PRKCE: variants seen among roughly 807,000 people sequenced by gnomAD.
The protein encoded by PRKCE is protein kinase C epsilon.
In PRKCE, 16 loss-of-function variants were observed where a neutral mutation model predicts 85.4. That is an observed-to-expected ratio of 0.19 (90% confidence interval 0.13 to 0.28). PRKCE has a LOEUF of 0.28. Ranked by LOEUF, PRKCE falls within the 10% of genes least tolerant of loss-of-function variation. The probability of loss-of-function intolerance (pLI) is 1.00; values close to 1 mark genes in which losing one functional copy is unlikely to be tolerated. For missense variants in PRKCE, 573 were observed against 975.2 expected, an observed-to-expected ratio of 0.59 and a Z score of 5.49; for synonymous variants, 388 against 371.5, an observed-to-expected ratio of 1.04 and a Z score of -0.51.
chr2:46,100,655 T>C (rs1397776725), intron 11 of PRKCE, among the ~76,000 whole-genome samples: 1 of 152,208 alleles, frequency 6.6e-6, no homozygotes, highest in Non-Finnish European at 1.5e-5. Flanking sequence ...ATTTGTACTT[T>C]TGTCTGGGGA....
At chr2:46,010,552 G>A (rs1165400159) in intron 10 of PRKCE, 35 bp downstream of exon 10, 16 of 1,598,086 alleles carry the variant, frequency 1.0e-5, no homozygotes, top group Non-Finnish European at 1.4e-5. Context: ...CTGCCATGTT[G>A]GGGCATCTTG....
intron 10 of PRKCE, among the ~76,000 whole-genome samples, chr2:46,061,425 A>G (rs988037506): frequency 2.7e-5 from 3 of 111,426 alleles, no homozygotes; most frequent in African/African-American, 9.2e-5. Context: ...ACAATTTTTT[A>G]TTCTTTTTTT....
At chr2:46,018,014 A>G (rs927238500) in intron 10 of PRKCE, among the ~76,000 whole-genome samples, 4 of 152,238 alleles carry the variant, frequency 2.6e-5, no homozygotes, top group African/African-American at 7.2e-5. Flanking sequence ...CACACACATG[A>G]AAAAGGGTCT....
In PRKCE at chr2:45,951,708, G is replaced by T. The variant is rs552602056; in HGVS notation, c.413-24721G>T. Among the ~76,000 whole-genome samples the T allele has an allele frequency of 7.2e-4, 109 of 152,398 alleles. 3 individuals are homozygous for T. The highest frequency in any genetic ancestry group is 3.4e-3 in the Middle Eastern group (1 of 294). On this transcript the variant is annotated intron_variant, in intron 2 of 14. Transcript: ENST00000306156. ...ACTTTTGTACACAACCACATACAATGAGTCTGGTTCTTCCACACCTCATCC... is the reference window on the plus strand; with the variant it reads ...ACTTTTGTACACAACCACATACAATTAGTCTGGTTCTTCCACACCTCATCC...
chr2:46,110,397 A>C (rs1275182287), intron 11 of PRKCE, among the ~76,000 whole-genome samples: 1 of 152,102 alleles, frequency 6.6e-6, no homozygotes, highest in African/African-American at 2.4e-5. Flanking sequence ...CAGATTATCT[A>C]TTTCTCCTTG....
At chr2:45,809,459 T>C (rs921058458) in intron 1 of PRKCE, among the ~76,000 whole-genome samples, 1 of 152,368 alleles carries the variant, frequency 6.6e-6, no homozygotes, top group Non-Finnish European at 1.5e-5. Flanking sequence ...TGTGCAAAGA[T>C]GAAATCACTA....
intron 1 of PRKCE, among the ~76,000 whole-genome samples, chr2:45,734,446 T>G (rs958049083): frequency 2.0e-5 from 3 of 152,200 alleles, no homozygotes; most frequent in African/African-American, 4.8e-5. Context: ...CTTGCAGTCC[T>G]GAAAGACAGT....
chr2:45,836,013 G>T (rs1396009955), intron 1 of PRKCE, among the ~76,000 whole-genome samples: 1 of 152,212 alleles, frequency 6.6e-6, no homozygotes, highest in African/African-American at 2.4e-5. Context: ...TAGGAATGAA[G>T]CTGCTGTGAA....
intron 2 of PRKCE, among the ~76,000 whole-genome samples, chr2:45,856,665 G>GT (rs1692704318): frequency 6.6e-6 from 1 of 152,168 alleles, no homozygotes; most frequent in South Asian, 2.1e-4. Flanking sequence ...CTGTCTAACT[G>GT]TAACTTTGTA....
chr2:46,177,537 A>G (rs1173714144), intron 14 of PRKCE, among the ~76,000 whole-genome samples: 2 of 152,050 alleles, frequency 1.3e-5, no homozygotes, highest in East Asian at 3.9e-4. Context: ...CTTCACACAT[A>G]TGTCCCTGTG....
chr2:45,714,346 A>C lies in PRKCE; in HGVS notation c.348+61898A>C, dbSNP rs530360070. 1.4e-4 allele frequency among the ~76,000 whole-genome samples: 22 copies of C among 152,364 alleles called. No homozygotes were observed. The South Asian group carries it at 4.6e-3, about 32-fold the overall frequency. On this transcript the variant is annotated intron_variant, in intron 1 of 14. Coordinates refer to ENST00000306156, the MANE Select transcript of PRKCE (RefSeq NM_005400.3). Reference sequence around the variant, plus strand: ...ACTGTCCTACAAAGATGCAATAAACAGGGACAATGACATTGAGACACAAAG... The same window carrying C: ...ACTGTCCTACAAAGATGCAATAAACCGGGACAATGACATTGAGACACAAAG...
At chr2:45,854,926 T>C (rs535838523) in intron 2 of PRKCE, among the ~76,000 whole-genome samples, 1 of 152,200 alleles carries the variant, frequency 6.6e-6, no homozygotes, top group Non-Finnish European at 1.5e-5. Context: ...CTTAGTTTAA[T>C]GTATGGAAAA....
chr2:46,061,213 G>T (rs757535801), intron 10 of PRKCE, among the ~76,000 whole-genome samples: 9 of 147,022 alleles, frequency 6.1e-5, no homozygotes, highest in Non-Finnish European at 1.3e-4. Context: ...AGGCTCAGGT[G>T]ATTCACCCAC....
At chr2:46,039,060 T>C (rs1029802036) in intron 10 of PRKCE, among the ~76,000 whole-genome samples, 2 of 152,204 alleles carry the variant, frequency 1.3e-5, no homozygotes, top group African/African-American at 4.8e-5. Flanking sequence ...GCTAACGTAG[T>C]TGAGACCCCA....
intron 2 of PRKCE, among the ~76,000 whole-genome samples, chr2:45,859,040 CTAAA>C (rs3045334): frequency 0.46 from 61,470 of 134,884 alleles, 13,980 homozygotes; most frequent in East Asian, 0.59. Context: ...GACTCCATCT[CTAAA>C]TAAATAAATA....
intron 2 of PRKCE, among the ~76,000 whole-genome samples, chr2:45,858,823 T>C (rs1423247632): frequency 1.3e-5 from 2 of 151,934 alleles, no homozygotes; most frequent in Non-Finnish European, 2.9e-5. Context: ...GGCGGATCAC[T>C]TGAGGTCAGG....
At chr2:45,752,652 C>G (rs976450655) in intron 1 of PRKCE, among the ~76,000 whole-genome samples, 1 of 152,154 alleles carries the variant, frequency 6.6e-6, no homozygotes, top group African/African-American at 2.4e-5. Context: ...GACACTGAAG[C>G]AGGGCCTTGG....
At chr2:45,871,026 G>A (rs941107658) in intron 2 of PRKCE, among the ~76,000 whole-genome samples, 1 of 152,258 alleles carries the variant, frequency 6.6e-6, no homozygotes, top group Non-Finnish European at 1.5e-5. Flanking sequence ...TGTCAGGGAT[G>A]TAGTGGAAGA....
intron 1 of PRKCE, among the ~76,000 whole-genome samples, chr2:45,721,204 T>C (rs768550475): frequency 6.6e-6 from 1 of 152,130 alleles, no homozygotes; most frequent in Non-Finnish European, 1.5e-5. Flanking sequence ...CTGCATTTTA[T>C]AAACAAGGAA....
Sources: allele counts gnomAD v4.1 joint callset (sites outside exome capture counted in the v4.1 genomes callset), GRCh38; gene constraint gnomAD v4.1.1; transcripts MANE v1.5; gene names NCBI Gene and HGNC (gene_info 2026-07-23, HGNC 2026-07-21).